The following TUBA8 variants were observed in gnomAD, a reference collection of about 807,000 sequenced individuals.
The protein encoded by TUBA8 is tubulin alpha 8, also known as tubulin alpha-8 chain.
TUBA8 carries 29 observed loss-of-function variants against 34.7 expected under a neutral mutation model. The ratio of observed to expected loss-of-function variants is 0.84; its 90% confidence interval spans 0.62 to 1.14. The LOEUF (loss-of-function observed/expected upper bound fraction) is 1.14. Among genes scored for constraint, TUBA8 ranks in the 50% most tolerant of loss-of-function variants. The probability of loss-of-function intolerance (pLI) is 0.00; values close to 1 mark genes in which losing one functional copy is unlikely to be tolerated. For synonymous variants in TUBA8, 226 were observed against 231.2 expected (o/e 0.98, Z 0.21); for missense variants, 541 against 599.2 (o/e 0.90, Z 1.01).
At position 18,124,479 on chromosome 22, in the gene TUBA8, C is replaced by A; in HGVS notation, c.375+175C>A. ...AGAAGCATGCACAGGGGTGATGCCC[C>A]TTCCTCTGTGTTGGCATCATAGACT... On this transcript the variant is annotated intron_variant, in intron 3 of 4. Coordinates refer to ENST00000330423, the MANE Select transcript of TUBA8 (RefSeq NM_018943.3). This position sits in a 1 kb window ranked among gnomAD's most constrained non-coding sequence, Gnocchi z 4.3. 1.4e-6 allele frequency: 1 copy of A among 710,086 alleles called. No homozygotes were observed. Among genetic ancestry groups the A allele is most frequent in the South Asian group, 1.9e-5 (1 of 51,340 alleles). 44.0% of individuals were successfully genotyped at this position (710,086 alleles called of 1,614,324 possible). A position where few individuals can be genotyped will look rare whatever the true frequency, so the allele number is the denominator to read the frequency against.
rs1248157100 is a variant in TUBA8 at position 18,126,887 on chromosome 22, G to A, written c.909G>A (p.Val303=). The A allele has an allele frequency of 8.1e-6, 13 of 1,611,694 alleles. No individual in the cohort carries two copies. The highest frequency in any genetic ancestry group is 1.1e-5 in the Non-Finnish European group (13 of 1,178,662). ...GCTTTGAGCCCAACAGCCAGATGGTGAAGTGCGACCCGAGACATGGCAAGT... is the reference window on the plus strand; with the variant it reads ...GCTTTGAGCCCAACAGCCAGATGGTAAAGTGCGACCCGAGACATGGCAAGT... ...SSCFEPNSQM[V]KCDPRHGKYM... The change falls in exon 4 of 5, where the codon GTG becomes GTA. Residue 303 remains valine (V), a synonymous_variant. Coordinates refer to ENST00000330423, the MANE Select transcript of TUBA8 (RefSeq NM_018943.3). The surrounding 1 kb of genome is among the most constrained non-coding windows in gnomAD (Gnocchi z 4.0).
At position 18,121,375 on chromosome 22, in the gene TUBA8, G is replaced by C. The variant is rs2123699538; in HGVS notation, c.4-104G>C. On this transcript the variant is annotated intron_variant, in intron 1 of 4. Coordinates refer to ENST00000330423, the MANE Select transcript of TUBA8 (RefSeq NM_018943.3). The surrounding 1 kb of genome is among the most constrained non-coding windows in gnomAD (Gnocchi z 4.8). ...GCCTCAACGCCAACTGGCAATGGGG[G>C]GCTGGGGCCTGGCTGGCCTGCAAGG... is the stretch of plus-strand genomic sequence containing the variant. 2 of 1,019,418 alleles carry C rather than the reference G, an allele frequency of 2.0e-6. No homozygotes were observed. The highest frequency in any genetic ancestry group is 4.8e-5 in the East Asian group (2 of 41,556). The allele number at this position is 1,019,418 out of a possible 1,614,324, so 63.1% of individuals were successfully genotyped here.
rs554005837 is a variant in TUBA8, at chr22:18,111,257, G to T, written c.3+389G>T. 37 of 306,678 alleles carry T rather than the reference G, an allele frequency of 1.2e-4. No homozygotes were observed. The highest frequency in any genetic ancestry group is 7.4e-4 in the African/African-American group (34 of 46,004). 19.0% of individuals were successfully genotyped at this position (306,678 alleles called of 1,614,324 possible). A position where few individuals can be genotyped will look rare whatever the true frequency, so the allele number is the denominator to read the frequency against. ...ATGGGTGGTCTGGGCCGGGGCGACTGGGGGGCCAGATGCAGTCACGTCTCC... is the reference window on the plus strand; with the variant it reads ...ATGGGTGGTCTGGGCCGGGGCGACTTGGGGGCCAGATGCAGTCACGTCTCC... On this transcript the variant is annotated intron_variant, in intron 1 of 4. Coordinates refer to ENST00000330423, the MANE Select transcript of TUBA8 (RefSeq NM_018943.3). The surrounding 1 kb of genome is among the most constrained non-coding windows in gnomAD (Gnocchi z 5.1).
At chr22:18,117,683 G>A (rs1052582557) in intron 1 of TUBA8, 1 of 151,084 alleles carries the variant, frequency 6.6e-6, no homozygotes, top group Middle Eastern at 3.4e-3. Context: ...GCTGAGGCAG[G>A]AGAATGGTGT....
At chr22:18,130,459 G>C in intron 4 of TUBA8, 1 of 257,896 alleles carries the variant, frequency 3.9e-6, no homozygotes, top group East Asian at 8.8e-5. Flanking sequence ...GTCTTGCTGT[G>C]TCCCTGCCAC....
chr22:18,126,090 T>G lies in TUBA8; in HGVS notation c.376-264T>G. On this transcript the variant is annotated intron_variant, in intron 3 of 4. Transcript: ENST00000330423. The surrounding 1 kb of genome is among the most constrained non-coding windows in gnomAD (Gnocchi z 4.0). ...GTTGCCCATGCTGGTTGTGAACTCC[T>G]GGCCTCAATGGATCCTCCTGCCTCA... The G allele has an allele frequency of 5.8e-6, 3 of 513,906 alleles. No individual in the cohort carries two copies. The East Asian group carries it at 1.1e-4, about 18-fold the overall frequency. The allele number at this position is 513,906 out of a possible 1,614,324, so 31.8% of individuals were successfully genotyped here. A position where few individuals can be genotyped will look rare whatever the true frequency, so the allele number is the denominator to read the frequency against.
intron 1 of TUBA8, chr22:18,116,228 G>GCC (rs1454562687): frequency 3.1e-5 from 4 of 127,178 alleles, no homozygotes; most frequent in Admixed American, 8.7e-5. Context: ...GCCGCCCCAT[G>GCC]AGCCATTCGC....
intron 4 of TUBA8, 163 bp downstream of exon 4, chr22:18,127,197 A>G (rs1928357943): frequency 1.4e-6 from 1 of 712,170 alleles, no homozygotes; most frequent in African/African-American, 1.8e-5. Context: ...GTTGAGACAC[A>G]AGTGCTGTCA....
In TUBA8 at chr22:18,118,557, A is replaced by T. The variant is rs1180734932; in HGVS notation, c.4-2922A>T. On this transcript the variant is annotated intron_variant, in intron 1 of 4. Transcript: ENST00000330423. This position sits in a 1 kb window ranked among gnomAD's most constrained non-coding sequence, Gnocchi z 4.0. ...TCATCTAGCACACTCCCCACCCTGG[A>T]CCTGGACGCCTCCGTCTCTCCAAGG... 2 of 152,162 alleles carry T rather than the reference A, an allele frequency of 1.3e-5. No homozygotes were observed. Among genetic ancestry groups the T allele is most frequent in the Non-Finnish European group, 2.9e-5 (2 of 68,038 alleles). 9.4% of individuals were successfully genotyped at this position (152,162 alleles called of 1,614,324 possible). A position where few individuals can be genotyped will look rare whatever the true frequency, so the allele number is the denominator to read the frequency against.
chr22:18,120,724 T>C (rs892043546), intron 1 of TUBA8: 5 of 152,212 alleles, frequency 3.3e-5, no homozygotes, highest in African/African-American at 1.2e-4. Flanking sequence ...GCTGAACCAA[T>C]TTACATTCCC....
In TUBA8 at chr22:18,124,238, T is replaced by C; in HGVS notation, c.309T>C (p.Tyr103=). ...GAAAGGAGGATGCAGCCAACAACTA[T>C]GCCCGGGGCCACTACACGGTGGGCA... is the stretch of plus-strand genomic sequence containing the variant. The part of the protein sequence containing the change: ...ITGKEDAANN[Y]ARGHYTVGKE... The change falls in exon 3 of 5, where the codon TAT becomes TAC. Residue 103 remains tyrosine (Y), a synonymous_variant. Transcript: ENST00000330423. The surrounding 1 kb of genome is among the most constrained non-coding windows in gnomAD (Gnocchi z 4.3). 2 of 1,614,076 alleles carry C rather than the reference T, an allele frequency of 1.2e-6. No homozygotes were observed. The highest frequency in any genetic ancestry group is 1.7e-6 in the Non-Finnish European group (2 of 1,179,980).
intron 4 of TUBA8, chr22:18,130,592 T>G: frequency 4.7e-6 from 1 of 211,934 alleles, no homozygotes; most frequent in East Asian, 2.7e-4. Context: ...CCTGGCTAAT[T>G]TTTTTTTTTT....
intron 4 of TUBA8, chr22:18,128,955 G>A (rs1247591205): frequency 3.9e-5 from 6 of 152,320 alleles, no homozygotes; most frequent in African/African-American, 1.2e-4. Flanking sequence ...TTTTCTTGGC[G>A]GGAGTTACAA....
In TUBA8 at chr22:18,126,174, T is replaced by A; in HGVS notation, c.376-180T>A. Reference sequence around the variant, plus strand: ...TCACTGTGCCTGGCCCCATCCCATATTTTAGCCACTCCTCCAAAGATCAAT... The same window carrying A: ...TCACTGTGCCTGGCCCCATCCCATAATTTAGCCACTCCTCCAAAGATCAAT... On this transcript the variant is annotated intron_variant, in intron 3 of 4. Transcript: ENST00000330423. This position sits in a 1 kb window ranked among gnomAD's most constrained non-coding sequence, Gnocchi z 4.0. The A allele has an allele frequency of 1.6e-6, 1 of 634,702 alleles. No individual in the cohort carries two copies. Among genetic ancestry groups the A allele is most frequent in the Non-Finnish European group, 2.7e-6 (1 of 364,056 alleles). 39.3% of individuals were successfully genotyped at this position (634,702 alleles called of 1,614,324 possible).
intron 1 of TUBA8, chr22:18,113,498 G>A (rs1295443864): frequency 2.6e-5 from 4 of 152,248 alleles, no homozygotes; most frequent in African/African-American, 9.6e-5. Context: ...TGTGGTTTAT[G>A]GGGAGGTGGG....
At chr22:18,130,579 G>A (rs1476086897) in intron 4 of TUBA8, 9 of 525,904 alleles carry the variant, frequency 1.7e-5, no homozygotes, top group East Asian at 1.7e-4. Flanking sequence ...CATAGCCACC[G>A]GGCCTGGCTA....
chr22:18,124,322 G>T lies in TUBA8; in HGVS notation c.375+18G>T, dbSNP rs775362905. The T allele has an allele frequency of 6.2e-7, 1 of 1,609,296 alleles. No individual in the cohort carries two copies. Among genetic ancestry groups the T allele is most frequent in the Non-Finnish European group, 8.5e-7 (1 of 1,177,706 alleles). On this transcript the variant is annotated intron_variant, in intron 3 of 4. Coordinates refer to ENST00000330423, the MANE Select transcript of TUBA8 (RefSeq NM_018943.3). This position sits in a 1 kb window ranked among gnomAD's most constrained non-coding sequence, Gnocchi z 4.3. ...GGAAGCTGGTAAGATCAGGAGGGCA[G>T]GGGACGGGTGGGTCAGGCTGGAGTG...
Position 18,126,782 on chromosome 22 carries a change from G to C in TUBA8, c.804G>C (p.Pro268=), listed in dbSNP as rs149523842. 6.2e-7 allele frequency: 1 copy of C among 1,613,762 alleles called. No individual in the cohort carries two copies. The highest frequency in any genetic ancestry group is 1.1e-5 in the South Asian group (1 of 91,044). ...TGCCCTACCCCCGCATCCACTTCCC[G>C]CTGGTCACCTACGCGCCCATCATCT... ...NLVPYPRIHF[P]LVTYAPIISA... is the part of the protein sequence containing the mutation. Residue 268 remains proline (P), a synonymous_variant, in exon 4 of 5, where the codon CCG becomes CCC. Coordinates refer to ENST00000330423, the MANE Select transcript of TUBA8 (RefSeq NM_018943.3). The surrounding 1 kb of genome is among the most constrained non-coding windows in gnomAD (Gnocchi z 4.0).
chr22:18,124,276 A>G lies in TUBA8; in HGVS notation c.347A>G (p.Asp116Gly), dbSNP rs149681796. The G allele has an allele frequency of 6.2e-7, 1 of 1,614,072 alleles. No individual in the cohort carries two copies. Among genetic ancestry groups the G allele is most frequent in the African/African-American group, 1.3e-5 (1 of 75,022 alleles). ...TACACGGTGGGCAAGGAGAGCATTG[A>G]CCTGGTGCTGGACCGCATACGGAAG... is the stretch of plus-strand genomic sequence containing the variant. ...GHYTVGKESIDLVLDRIRKLT... is the reference protein window; with the variant it reads ...GHYTVGKESIGLVLDRIRKLT... The change falls in exon 3 of 5, where the codon GAC becomes GGC. Residue 116 changes from aspartate to glycine, a missense_variant. Coordinates refer to ENST00000330423, the MANE Select transcript of TUBA8 (RefSeq NM_018943.3). This position sits in a 1 kb window ranked among gnomAD's most constrained non-coding sequence, Gnocchi z 4.3.
Sources: allele counts gnomAD v4.1 joint callset, GRCh38; gene constraint gnomAD v4.1.1; non-coding constraint Gnocchi (gnomAD v3.1); transcripts MANE v1.5; gene names NCBI Gene and HGNC (gene_info 2026-07-23, HGNC 2026-07-21).